Variants in PDCD11 observed in about 807,000 individuals in gnomAD.
PDCD11 encodes the protein programmed cell death 11.
PDCD11 carries 97 observed loss-of-function variants against 198.9 expected under a neutral mutation model. The ratio of observed to expected loss-of-function variants is 0.49; its 90% confidence interval spans 0.41 to 0.58. PDCD11 has a LOEUF of 0.58. PDCD11 is among the 20% of genes least tolerant of loss of function. The pLI, the probability that PDCD11 is intolerant of heterozygous loss-of-function variation, is 0.00. For missense variants in PDCD11, 2,102 were observed against 2,312.7 expected (o/e 0.91, Z 1.87); for synonymous variants, 893 against 918.0 (o/e 0.97, Z 0.49).
intron 18 of PDCD11, 135 bp downstream of exon 18, chr10:103,423,272 G>A (rs1042405111): frequency 2.3e-6 from 2 of 867,344 alleles, no homozygotes; most frequent in African/African-American, 3.4e-5. Context: ...TGCCTATCTT[G>A]TGTGAATGCA....
intron 8 of PDCD11, among the ~76,000 whole-genome samples, chr10:103,412,219 G>A (rs2030843453): frequency 6.6e-6 from 1 of 151,842 alleles, no homozygotes; most frequent in African/African-American, 2.4e-5. Context: ...GGAGTGCAGT[G>A]GCACAGTGTT....
chr10:103,430,924 G>A (rs532992112), intron 21 of PDCD11, among the ~76,000 whole-genome samples: 2 of 151,780 alleles, frequency 1.3e-5, no homozygotes, highest in Admixed American at 1.3e-4. Flanking sequence ...TCAGCCTCCC[G>A]AATAGCTGGG....
intron 27 of PDCD11, among the ~76,000 whole-genome samples, chr10:103,439,382 A>G (rs2986015): frequency 0.98 from 148,885 of 152,322 alleles, 72,790 homozygotes; most frequent in East Asian, 1. Context: ...AAATGTGGAT[A>G]TTCTGTTTTA....
At chr10:103,418,288 G>T in intron 14 of PDCD11, 152 bp from the exon 15 acceptor site, 1 of 647,776 alleles carries the variant, frequency 1.5e-6, no homozygotes, top group Non-Finnish European at 2.7e-6. Context: ...ATGCATGCTG[G>T]GTGGTTGGGG....
chr10:103,442,337 T>A lies in PDCD11; in HGVS notation c.4832T>A (p.Leu1611Gln). 6.2e-7 allele frequency: 1 copy of A among 1,614,248 alleles called. No homozygotes were observed. Among genetic ancestry groups the A allele is most frequent in the Non-Finnish European group, 8.5e-7 (1 of 1,180,046 alleles). The change falls in exon 32 of 36, where the codon CTG (leucine) becomes CAG (glutamine). Residue 1611 changes from leucine (L) to glutamine (Q), a missense_variant. By Grantham distance (113) the Leu-to-Gln change is moderately radical. Coordinates refer to ENST00000369797, the MANE Select transcript of PDCD11 (RefSeq NM_014976.2). ...GAGTCCGCGGATGATTTTGACCGACTGGTGCTGAGCTCCCCCAACAGCTCC... is the reference window on the plus strand; with the variant it reads ...GAGTCCGCGGATGATTTTGACCGACAGGTGCTGAGCTCCCCCAACAGCTCC... ...QPESADDFDR[L>Q]VLSSPNSSIL...
At chr10:103,432,945 T>C (rs918093548) in intron 22 of PDCD11, among the ~76,000 whole-genome samples, 1 of 152,240 alleles carries the variant, frequency 6.6e-6, no homozygotes, top group Non-Finnish European at 1.5e-5. Flanking sequence ...TTTCTACATC[T>C]GGAGTACCTT....
intron 4 of PDCD11, among the ~76,000 whole-genome samples, chr10:103,404,295 T>TTTTG (rs950913728): frequency 2.0e-5 from 3 of 150,112 alleles, no homozygotes; most frequent in Non-Finnish European, 3.0e-5. Context: ...GACCTATGAT[T>TTTTG]TTTGTTTGTT....
rs2093448878 is a variant in PDCD11, at chr10:103,398,483, A to G, written c.57A>G (p.Pro19=). 1 of 1,614,192 alleles carries G rather than the reference A, an allele frequency of 6.2e-7. No homozygotes were observed. The highest frequency in any genetic ancestry group is 1.3e-5 in the African/African-American group (1 of 75,064). Residue 19 remains proline, a synonymous_variant, in exon 2 of 36, where the codon CCA becomes CCG. Coordinates refer to ENST00000369797, the MANE Select transcript of PDCD11 (RefSeq NM_014976.2). The part of the protein sequence containing the change: ...PRGGTRKIHK[P]EKAFQQSVEQ... Reference sequence around the variant, plus strand: ...GAGGTACAAGAAAGATCCACAAACCAGAGAAAGCTTTCCAGCAGTCAGTTG... The same window carrying G: ...GAGGTACAAGAAAGATCCACAAACCGGAGAAAGCTTTCCAGCAGTCAGTTG...
rs894731611 is a variant in PDCD11 at position 103,444,042 on chromosome 10, C to T, written c.5252C>T (p.Ala1751Val). The change falls in exon 34 of 36, where the codon GCC becomes GTC. Residue 1751 changes from alanine (A) to valine (V), a missense_variant. Physicochemically the swap from Ala to Val is moderately conservative, Grantham distance 64 (BLOSUM62 0). Coordinates refer to ENST00000369797, the MANE Select transcript of PDCD11 (RefSeq NM_014976.2). ...AAASHRVLQR[A>V]LECLPSKEHV... The stretch of plus-strand genomic sequence containing the variant: ...GCCAGTCACCGCGTGCTGCAGCGAG[C>T]CCTGGAGTGCCTGCCTAGCAAGGAG... 1 of 1,612,180 alleles carries T rather than the reference C, an allele frequency of 6.2e-7. No individual in the cohort carries two copies. The highest frequency in any genetic ancestry group is 1.3e-5 in the African/African-American group (1 of 74,872).
Position 103,425,366 on chromosome 10 carries a change from C to T in PDCD11, c.3146C>T (p.Thr1049Ile), listed in dbSNP as rs185014546. 11 of 1,614,148 alleles carry T rather than the reference C, an allele frequency of 6.8e-6. No homozygotes were observed. The highest frequency in any genetic ancestry group is 9.3e-6 in the Non-Finnish European group (11 of 1,180,020). ...GGGACTGTCAAGTCCATTAAGCCTA[C>T]CCATGTGGTTGTGACTCTGGAAGAT... ...VTGTVKSIKP[T>I]HVVVTLEDGI... Residue 1049 changes from threonine to isoleucine, a missense_variant, in exon 20 of 36, where the codon ACC becomes ATC. Thr to Ile is a moderately conservative substitution (Grantham distance 89). Coordinates refer to ENST00000369797, the MANE Select transcript of PDCD11 (RefSeq NM_014976.2).
At chr10:103,407,479 C>T (rs1465466070) in intron 7 of PDCD11, among the ~76,000 whole-genome samples, 2 of 151,888 alleles carry the variant, frequency 1.3e-5, no homozygotes, top group Non-Finnish European at 1.5e-5. Context: ...AGGAGAATGG[C>T]GTGAACCCAG....
intron 15 of PDCD11, 149 bp from the exon 16 acceptor site, chr10:103,419,389 T>C (rs2031296146): frequency 1.2e-6 from 1 of 809,572 alleles, no homozygotes; most frequent in Non-Finnish European, 1.9e-6. Context: ...TTTCAGGCGA[T>C]GTTGATGCTG....
intron 13 of PDCD11, 129 bp downstream of exon 13, chr10:103,416,871 G>T: frequency 9.5e-7 from 1 of 1,049,326 alleles, no homozygotes; most frequent in Non-Finnish European, 1.4e-6. Flanking sequence ...GTGGGTGTGA[G>T]CCGGCTAAAT....
At chr10:103,426,941 A>AT (rs1255083398) in intron 20 of PDCD11, among the ~76,000 whole-genome samples, 1 of 150,056 alleles carries the variant, frequency 6.7e-6, no homozygotes, top group East Asian at 1.9e-4. Flanking sequence ...AAAAAAAAAT[A>AT]AATAAATAAA....
chr10:103,403,389 C>T (rs1008696750), intron 4 of PDCD11, 104 bp downstream of exon 4: 37 of 1,051,604 alleles, frequency 3.5e-5, no homozygotes, highest in Non-Finnish European at 4.6e-5. Flanking sequence ...TACAAGGTCC[C>T]GTGAGAGTTT....
intron 13 of PDCD11, among the ~76,000 whole-genome samples, chr10:103,416,975 A>G (rs945551165): frequency 1.3e-5 from 2 of 152,212 alleles, no homozygotes; most frequent in Non-Finnish European, 1.5e-5. Context: ...GGAAGAGGTC[A>G]GTCTTTACTT....
intron 25 of PDCD11, among the ~76,000 whole-genome samples, chr10:103,436,392 G>A (rs2032156453): frequency 6.6e-6 from 1 of 152,186 alleles, no homozygotes; most frequent in South Asian, 2.1e-4. Context: ...GCCAATTGGA[G>A]TTTTAAGACT....
At position 103,425,055 on chromosome 10, in the gene PDCD11, A is replaced by G; in HGVS notation, c.2835A>G (p.Val945=). Residue 945 remains valine, a synonymous_variant, in exon 20 of 36, where the codon GTA becomes GTG. Coordinates refer to ENST00000369797, the MANE Select transcript of PDCD11 (RefSeq NM_014976.2). The part of the protein sequence containing the change: ...LEKSFAIASL[V]ETGHLAAFSL... ...AGTCCTTTGCCATTGCCTCCTTGGT[A>G]GAGACGGGCCACCTGGCAGCTTTCT... is the stretch of plus-strand genomic sequence containing the variant. 6.2e-7 allele frequency: 1 copy of G among 1,614,262 alleles called. No homozygotes were observed. The highest frequency in any genetic ancestry group is 2.2e-5 in the East Asian group (1 of 44,882).
At chr10:103,407,391 G>A (rs528827532) in intron 7 of PDCD11, among the ~76,000 whole-genome samples, 9 of 152,038 alleles carry the variant, frequency 5.9e-5, no homozygotes, top group Middle Eastern at 3.4e-3. Flanking sequence ...GTGAAACCCC[G>A]TCTCTGCTAA....
Sources: gnomAD v4.1 joint callset for allele counts (sites outside exome capture counted in the v4.1 genomes callset) on GRCh38, gnomAD v4.1.1 for gene constraint, MANE v1.5 for transcripts, NCBI Gene and HGNC (gene_info 2026-07-23, HGNC 2026-07-21) for gene names.